The following LNPK variants were observed in gnomAD, a reference collection of about 807,000 sequenced individuals.
The protein encoded by LNPK is endoplasmic reticulum junction formation protein lunapark.
Under a neutral mutation model 55.2 loss-of-function variants are expected in LNPK, and 29 were observed. The ratio of observed to expected loss-of-function variants is 0.53; its 90% CI spans 0.39 to 0.72. The LOEUF is 0.72. LNPK is among the 30% of genes least tolerant of loss of function. The pLI is 0.00. For synonymous variants in LNPK, 162 were observed against 168.2 expected (o/e 0.96, Z 0.29); for missense variants, 467 against 494.8 (o/e 0.94, Z 0.53).
chr2:175,967,070 A>T (rs1574862378), intron 6 of LNPK, among the ~76,000 whole-genome samples: 1 of 152,198 alleles, frequency 6.6e-6, no homozygotes, highest in East Asian at 1.9e-4. Context: ...AGCTTGTCCA[A>T]CCCTTAGCCA....
intron 1 of LNPK, among the ~76,000 whole-genome samples, chr2:175,997,928 A>G (rs1688009531): frequency 6.7e-6 from 1 of 149,504 alleles, no homozygotes; most frequent in Non-Finnish European, 1.5e-5. Context: ...TTTGGTAGAG[A>G]CAGGAATTTC....
In LNPK at chr2:175,929,555, T is replaced by C. The variant is rs1684163211; in HGVS notation, c.*412A>G. 5 of 992,556 alleles carry C rather than the reference T, an allele frequency of 5.0e-6. No individual in the cohort carries two copies. Among genetic ancestry groups the C allele is most frequent in the Admixed American group, 1.2e-4 (2 of 17,288 alleles). The allele number at this position is 992,556 out of a possible 1,614,324, so 61.5% of individuals were successfully genotyped here. On this transcript the variant is annotated 3_prime_UTR_variant, in exon 13 of 13. Coordinates refer to ENST00000272748, the MANE Select transcript of LNPK (RefSeq NM_030650.3). ...ATTCTATCAATTTTTAATAATGAAG[T>C]AGTCAAAATCTTAACCAAGTTTCAT...
chr2:175,947,382 A>G lies in LNPK; in HGVS notation c.706+98T>C, dbSNP rs1262723981. The G allele has an allele frequency of 5.2e-6, 5 of 967,084 alleles. No individual in the cohort carries two copies. In the African/African-American group the frequency reaches 6.5e-5, roughly 12 times the overall value. The allele number at this position is 967,084 out of a possible 1,614,324, so 59.9% of individuals were successfully genotyped here. A position where few individuals can be genotyped will look rare whatever the true frequency, so the allele number is the denominator to read the frequency against. ...TCAGATAACTGCTCTGCTATTTCCA[A>G]ATGAAATGCCATTTCCATACCACCT... On this transcript the variant is annotated intron_variant, in intron 9 of 12. Coordinates refer to ENST00000272748, the MANE Select transcript of LNPK (RefSeq NM_030650.3).
intron 8 of LNPK, among the ~76,000 whole-genome samples, chr2:175,960,872 G>A (rs1009401548): frequency 4.6e-5 from 7 of 152,212 alleles, no homozygotes; most frequent in Non-Finnish European, 7.4e-5. Flanking sequence ...AAATGATAAA[G>A]GGGATATCAC....
intron 1 of LNPK, among the ~76,000 whole-genome samples, chr2:175,996,073 A>C (rs769067822): frequency 7.9e-5 from 12 of 152,014 alleles, no homozygotes; most frequent in Non-Finnish European, 1.6e-4. Context: ...TTGGCCTCCT[A>C]AACTGCTGGG....
At chr2:175,957,924 C>T (rs1046231767) in intron 8 of LNPK, among the ~76,000 whole-genome samples, 3 of 152,194 alleles carry the variant, frequency 2.0e-5, no homozygotes, top group African/African-American at 4.8e-5. Context: ...TCTGGTTTGG[C>T]AGATCCTATG....
chr2:175,929,648 T>C lies in LNPK; in HGVS notation c.*319A>G. The C allele has an allele frequency of 9.3e-7, 1 of 1,071,322 alleles. No homozygotes were observed. Among genetic ancestry groups the C allele is most frequent in the Non-Finnish European group, 1.1e-6 (1 of 885,048 alleles). The allele number at this position is 1,071,322 out of a possible 1,614,324, so 66.4% of individuals were successfully genotyped here. Reference sequence around the variant, plus strand: ...GTTCTTCCTATGTCAAAATGGATATTTACGGGTTATACATACAGAAAACAA... The same window carrying C: ...GTTCTTCCTATGTCAAAATGGATATCTACGGGTTATACATACAGAAAACAA... On this transcript the variant is annotated 3_prime_UTR_variant, in exon 13 of 13. Transcript: ENST00000272748.
At chr2:175,963,815 A>G (rs1020073922) in intron 8 of LNPK, among the ~76,000 whole-genome samples, 1 of 152,062 alleles carries the variant, frequency 6.6e-6, no homozygotes, top group Non-Finnish European at 1.5e-5. Context: ...ACCACTTAAT[A>G]TAATGACGGT....
At chr2:175,990,815 G>C (rs1159591138) in intron 4 of LNPK, among the ~76,000 whole-genome samples, 2 of 152,074 alleles carry the variant, frequency 1.3e-5, no homozygotes, top group African/African-American at 4.8e-5. Flanking sequence ...ATATCAATGA[G>C]ATGAAGTGAA....
chr2:175,985,964 T>C (rs1466360369), intron 4 of LNPK, among the ~76,000 whole-genome samples: 2 of 152,218 alleles, frequency 1.3e-5, no homozygotes, highest in Non-Finnish European at 1.5e-5. Flanking sequence ...AACCTGCCTG[T>C]ACATTTTTTT....
At chr2:175,930,333 T>C (rs1320099677) in intron 12 of LNPK, 134 bp from the exon 13 acceptor site, 2 of 652,930 alleles carry the variant, frequency 3.1e-6, no homozygotes, top group South Asian at 2.0e-5. Flanking sequence ...AACCATACAA[T>C]TGTCTAACAT....
At chr2:175,962,482 G>C (rs1686091518) in intron 8 of LNPK, among the ~76,000 whole-genome samples, 1 of 152,138 alleles carries the variant, frequency 6.6e-6, no homozygotes, top group African/African-American at 2.4e-5. Context: ...AAATGGTGCT[G>C]GGAAAACTGG....
At chr2:175,950,825 C>T (rs1685359933) in intron 8 of LNPK, among the ~76,000 whole-genome samples, 1 of 152,094 alleles carries the variant, frequency 6.6e-6, no homozygotes, top group Non-Finnish European at 1.5e-5. Flanking sequence ...AAGTACTTAA[C>T]AGGCAATAAC....
In LNPK at chr2:175,938,386, A is replaced by C. The variant is rs750546814; in HGVS notation, c.813-3T>G. The stretch of plus-strand genomic sequence containing the variant: ...ACTGCTGACATATAAGTGCATACCT[A>C]CACCGTAAGGAAAAATGAACAGACC... On this transcript the variant is annotated splice_region_variant and splice_polypyrimidine_tract_variant and intron_variant, in intron 10 of 12. Coordinates refer to ENST00000272748, the MANE Select transcript of LNPK (RefSeq NM_030650.3). 3.2e-6 allele frequency: 5 copies of C among 1,565,950 alleles called. No homozygotes were observed. The Admixed American group carries it at 8.7e-5, about 27-fold the overall frequency.
chr2:175,927,628 T>C lies in LNPK; in HGVS notation c.*2339A>G, dbSNP rs750829408. 40 of 152,248 alleles carry C rather than the reference T, an allele frequency of 2.6e-4. No individual in the cohort carries two copies. Among genetic ancestry groups the C allele is most frequent in the African/African-American group, 8.2e-4 (34 of 41,536 alleles). 9.4% of individuals were successfully genotyped at this position (152,248 alleles called of 1,614,324 possible). A position where few individuals can be genotyped will look rare whatever the true frequency, so the allele number is the denominator to read the frequency against. Reference sequence around the variant, plus strand: ...ATGTTTGTAGATCATGCTCAGGACATAGAAGAATTTAGATGACCCACTGAA... The same window carrying C: ...ATGTTTGTAGATCATGCTCAGGACACAGAAGAATTTAGATGACCCACTGAA... On this transcript the variant is annotated 3_prime_UTR_variant, in exon 13 of 13. Coordinates refer to ENST00000272748, the MANE Select transcript of LNPK (RefSeq NM_030650.3).
chr2:175,986,220 A>T (rs1222562504), intron 4 of LNPK, among the ~76,000 whole-genome samples: 2 of 152,186 alleles, frequency 1.3e-5, no homozygotes, highest in Non-Finnish European at 2.9e-5. Flanking sequence ...AAGAGAATAC[A>T]TCTTCAAATG....
chr2:175,989,938 C>A (rs1420431434), intron 4 of LNPK, among the ~76,000 whole-genome samples: 1 of 152,114 alleles, frequency 6.6e-6, no homozygotes, highest in African/African-American at 2.4e-5. Flanking sequence ...TGATCCATGA[C>A]CTTTCCAGTA....
intron 8 of LNPK, among the ~76,000 whole-genome samples, chr2:175,958,617 C>T (rs1349515559): frequency 6.6e-6 from 1 of 152,130 alleles, no homozygotes; most frequent in Non-Finnish European, 1.5e-5. Flanking sequence ...TGGGGAGAAA[C>T]CAGAGCAGAA....
At chr2:175,972,883 T>C (rs1290111158) in intron 5 of LNPK, among the ~76,000 whole-genome samples, 1 of 152,166 alleles carries the variant, frequency 6.6e-6, no homozygotes, top group African/African-American at 2.4e-5. Flanking sequence ...CTGAAGCTCT[T>C]CAATTATACA....
Sources: gnomAD v4.1 joint callset for allele counts (sites outside exome capture counted in the v4.1 genomes callset) on GRCh38, gnomAD v4.1.1 for gene constraint, MANE v1.5 for transcripts, NCBI Gene and HGNC (gene_info 2026-07-23, HGNC 2026-07-21) for gene names.